The following MRPS27 variants were observed in gnomAD, a reference collection of about 807,000 sequenced individuals.
MRPS27 encodes the protein small ribosomal subunit protein mS27.
Under a neutral mutation model 48.9 loss-of-function variants are expected in MRPS27, and 43 were observed. The observed-to-expected ratio is 0.88, with a 90% confidence interval of 0.69 to 1.13. The LOEUF (loss-of-function observed/expected upper bound fraction) is 1.13, where lower values mean the gene tolerates loss of function less well. MRPS27 is among the 50% of genes most tolerant of loss of function. The pLI is 0.00. For missense variants in MRPS27, 467 were observed against 476.3 expected (o/e 0.98, Z 0.18); for synonymous variants, 188 against 171.9 (o/e 1.09, Z -0.73).
intron 4 of MRPS27, among the ~76,000 whole-genome samples, chr5:72,280,855 C>G (rs185484221): frequency 2.9e-4 from 44 of 152,338 alleles, no homozygotes; most frequent in Middle Eastern, 3.4e-3. Flanking sequence ...CTCCCTTCTT[C>G]ACAGATAGTA....
intron 1 of MRPS27, chr5:72,314,425 G>C: frequency 3.8e-6 from 1 of 263,046 alleles, no homozygotes; most frequent in Non-Finnish European, 7.4e-6. Flanking sequence ...TAATGCCCAG[G>C]CTGGAATGCA....
chr5:72,303,154 T>C (rs1750166874), intron 2 of MRPS27, among the ~76,000 whole-genome samples: 1 of 152,172 alleles, frequency 6.6e-6, no homozygotes, highest in Non-Finnish European at 1.5e-5. Flanking sequence ...GGTTAAAGAA[T>C]AGGAGAAAAC....
In MRPS27 at chr5:72,261,185, CT is replaced by C. The variant is rs561692382; in HGVS notation, c.282-23058del. On this transcript the variant is annotated intron_variant, in intron 4 of 10. Transcript: ENST00000261413. ...GCCAATCACTACATTTAAATGGAAC[CT>C]TTTACGTTCTCTTGAAAGTTGCTAC... Among the ~76,000 whole-genome samples the C allele has an allele frequency of 6.9e-3, 1,045 of 152,182 alleles. 2 individuals carry two copies. Among genetic ancestry groups the C allele is most frequent in the Middle Eastern group, 0.017 (5 of 294 alleles).
intron 4 of MRPS27, chr5:72,241,485 A>G (rs1302111697): frequency 3.2e-6 from 2 of 626,252 alleles, no homozygotes; most frequent in Non-Finnish European, 5.5e-6. Context: ...TGGAATATAA[A>G]CAAGTCAAAA....
intron 4 of MRPS27, among the ~76,000 whole-genome samples, chr5:72,274,185 C>T (rs1749316863): frequency 6.6e-6 from 1 of 152,114 alleles, no homozygotes; most frequent in African/African-American, 2.4e-5. Context: ...GAAACCCCGT[C>T]TCTACTAAAA....
In MRPS27 at chr5:72,277,066, C is replaced by T. The variant is rs187680326; in HGVS notation, c.281+18465G>A. On this transcript the variant is annotated intron_variant, in intron 4 of 10. Coordinates refer to ENST00000261413, the MANE Select transcript of MRPS27 (RefSeq NM_015084.3). The stretch of plus-strand genomic sequence containing the variant: ...AAAAAAGTGAGCAAAGGACATGAAC[C>T]GACACCTCTCAAAAGAAATTTATGC... Among the ~76,000 whole-genome samples the T allele has an allele frequency of 4.0e-5, 6 of 151,810 alleles. No individual in the cohort carries two copies. In the East Asian group the frequency reaches 5.8e-4, roughly 15 times the overall value.
intron 2 of MRPS27, among the ~76,000 whole-genome samples, chr5:72,312,000 C>T (rs1034184590): frequency 5.3e-5 from 8 of 152,078 alleles, no homozygotes; most frequent in African/African-American, 7.2e-5. Context: ...GGCGTGGTGG[C>T]GTGCGGCTGT....
chr5:72,223,812 T>A lies in MRPS27; in HGVS notation c.876A>T (p.Ser292=). 1 of 1,613,976 alleles carries A rather than the reference T, an allele frequency of 6.2e-7. No individual in the cohort carries two copies. The part of the protein sequence containing the change: ...VLGAVLKALT[S]ADGASEEQSQ... ...ACTGCTCCTCTGAAGCCCCATCAGC[T>A]GAAGTCAGAGCCTTCAGCACTGCAC... Residue 292 remains serine, a synonymous_variant, in exon 10 of 11, where the codon TCA becomes TCT. Transcript: ENST00000261413.
At chr5:72,231,273 T>C (rs767324467) in intron 7 of MRPS27, among the ~76,000 whole-genome samples, 2 of 152,172 alleles carry the variant, frequency 1.3e-5, no homozygotes, top group Non-Finnish European at 2.9e-5. Flanking sequence ...TTTGGACATG[T>C]AATTTCCTCT....
intron 4 of MRPS27, among the ~76,000 whole-genome samples, chr5:72,240,218 A>G (rs529402341): frequency 5.3e-5 from 8 of 152,302 alleles, no homozygotes; most frequent in African/African-American, 1.9e-4. Flanking sequence ...TCTATGGTAT[A>G]TATGAAGATA....
intron 4 of MRPS27, among the ~76,000 whole-genome samples, chr5:72,257,546 GA>G (rs2111993399): frequency 6.6e-6 from 1 of 152,324 alleles, no homozygotes; most frequent in South Asian, 2.1e-4. Context: ...TGGGTTTCAT[GA>G]AAATTGTTTC....
intron 4 of MRPS27, among the ~76,000 whole-genome samples, chr5:72,269,944 G>T (rs952017296): frequency 1.3e-5 from 2 of 152,096 alleles, no homozygotes; most frequent in African/African-American, 4.8e-5. Flanking sequence ...TGTAATCCCA[G>T]CACTTTGGAA....
chr5:72,312,601 G>C (rs940769666), intron 2 of MRPS27, among the ~76,000 whole-genome samples: 1 of 151,152 alleles, frequency 6.6e-6, no homozygotes, highest in Non-Finnish European at 1.5e-5. Context: ...CCTCTGTATC[G>C]TGGCGAAGGA....
intron 2 of MRPS27, among the ~76,000 whole-genome samples, chr5:72,308,282 C>T (rs943159820): frequency 6.6e-6 from 1 of 152,226 alleles, no homozygotes; most frequent in Non-Finnish European, 1.5e-5. Context: ...TCGCCGTACT[C>T]CCCGGCAGGG....
chr5:72,223,280 G>T (rs1747801151), intron 10 of MRPS27, among the ~76,000 whole-genome samples: 1 of 152,186 alleles, frequency 6.6e-6, no homozygotes, highest in South Asian at 2.1e-4. Flanking sequence ...ACTCAAATGT[G>T]GCATTATAGT....
intron 2 of MRPS27, among the ~76,000 whole-genome samples, chr5:72,308,774 C>A (rs968515768): frequency 2.6e-5 from 4 of 152,214 alleles, no homozygotes; most frequent in Admixed American, 2.0e-4. Flanking sequence ...CCTTCCAGTA[C>A]ACAGTAGGAA....
rs765735710 is a variant in MRPS27, at chr5:72,223,644, T to C, written c.1005+39A>G. 6 of 1,609,658 alleles carry C rather than the reference T, an allele frequency of 3.7e-6. No individual in the cohort carries two copies. In the East Asian group the frequency reaches 6.7e-5, roughly 18 times the overall value. On this transcript the variant is annotated intron_variant, in intron 10 of 10. Transcript: ENST00000261413. ...ATCACCACAGGAGAGAAGTGTGTTTTATGCGCTGCTAAGAGAGACACGTTC... is the reference window on the plus strand; with the variant it reads ...ATCACCACAGGAGAGAAGTGTGTTTCATGCGCTGCTAAGAGAGACACGTTC...
chr5:72,302,933 T>A (rs563988120), intron 2 of MRPS27, among the ~76,000 whole-genome samples: 5 of 152,304 alleles, frequency 3.3e-5, no homozygotes, highest in African/African-American at 9.6e-5. Context: ...CCCTGAAGAT[T>A]ATAAACTACA....
Position 72,228,278 on chromosome 5 carries a change from A to G in MRPS27, c.682T>C (p.Tyr228His). The G allele has an allele frequency of 6.2e-7, 1 of 1,612,398 alleles. No homozygotes were observed. Among genetic ancestry groups the G allele is most frequent in the Non-Finnish European group, 8.5e-7 (1 of 1,178,500 alleles). Residue 228 changes from tyrosine to histidine, a missense_variant, in exon 8 of 11, where the codon TAT (tyrosine) becomes CAT (histidine). Coordinates refer to ENST00000261413, the MANE Select transcript of MRPS27 (RefSeq NM_015084.3). Reference sequence around the variant, plus strand: ...TCATTTAGCTTACCAAGAAGTGCATAGCCATACAACTGGGAACTGAAACCC... The same window carrying G: ...TCATTTAGCTTACCAAGAAGTGCATGGCCATACAACTGGGAACTGAAACCC... ...SVGFSSQLYG[Y>H]ALLGKVELQQ... is the part of the protein sequence containing the mutation.
Sources: gnomAD v4.1 joint callset for allele counts (sites outside exome capture counted in the v4.1 genomes callset) on GRCh38, gnomAD v4.1.1 for gene constraint, MANE v1.5 for transcripts, NCBI Gene and HGNC (gene_info 2026-07-23, HGNC 2026-07-21) for gene names.